Variants in CDH13 observed in about 807,000 individuals in gnomAD.
The protein encoded by CDH13 is cadherin-13.
CDH13 carries 24 observed loss-of-function variants against 63.8 expected under a neutral mutation model. The ratio of observed to expected loss-of-function variants is 0.38; its 90% CI spans 0.27 to 0.53. The LOEUF (loss-of-function observed/expected upper bound fraction) is 0.53. CDH13 is among the 20% of genes least tolerant of loss of function. The pLI is 0.85. For synonymous variants in CDH13, 503 were observed against 355.3 expected, an observed-to-expected ratio of 1.42 and a Z score of -4.67; for missense variants, 1,049 against 903.1, an observed-to-expected ratio of 1.16 and a Z score of -2.07.
chr16:83,142,832 G>A (rs2036592700), intron 4 of CDH13, among the ~76,000 whole-genome samples: 1 of 152,234 alleles, frequency 6.6e-6, no homozygotes, highest in South Asian at 2.1e-4. Flanking sequence ...GCCGGGCGCA[G>A]TGGCTTATAC....
At chr16:83,775,082 T>C (rs927654850) in intron 11 of CDH13, among the ~76,000 whole-genome samples, 1 of 151,794 alleles carries the variant, frequency 6.6e-6, no homozygotes, top group Non-Finnish European at 1.5e-5. Flanking sequence ...ACTCAAGCTA[T>C]GTAATAAAAA....
chr16:83,463,587 G>C (rs2073234308), intron 6 of CDH13, among the ~76,000 whole-genome samples: 2 of 152,132 alleles, frequency 1.3e-5, no homozygotes, highest in Non-Finnish European at 2.9e-5. Flanking sequence ...GTTCACTTGA[G>C]CTTAAGAGTT....
intron 3 of CDH13, among the ~76,000 whole-genome samples, chr16:83,119,426 G>A (rs536431609): frequency 6.6e-6 from 1 of 152,200 alleles, no homozygotes; most frequent in Non-Finnish European, 1.5e-5. Context: ...AACGTCAACA[G>A]GTCTACTCTA....
chr16:83,561,565 T>C (rs1034534549), intron 7 of CDH13, among the ~76,000 whole-genome samples: 1 of 152,184 alleles, frequency 6.6e-6, no homozygotes, highest in Non-Finnish European at 1.5e-5. Context: ...CTAACATTTA[T>C]TGAGTATTTA....
chr16:83,670,026 C>G (rs934242060), intron 8 of CDH13, among the ~76,000 whole-genome samples: 1 of 152,116 alleles, frequency 6.6e-6, no homozygotes, highest in African/African-American at 2.4e-5. Flanking sequence ...TTCACCACAC[C>G]TACTTGAAAC....
intron 3 of CDH13, among the ~76,000 whole-genome samples, chr16:83,091,361 A>T (rs2033899229): frequency 6.6e-6 from 1 of 152,158 alleles, no homozygotes; most frequent in South Asian, 2.1e-4. Context: ...TAGGAGGCAT[A>T]TTTTTCCCAT....
chr16:83,433,187 T>C (rs1346356254), intron 6 of CDH13, among the ~76,000 whole-genome samples: 2 of 152,028 alleles, frequency 1.3e-5, no homozygotes, highest in Admixed American at 6.6e-5. Flanking sequence ...ACTGGTAGAG[T>C]GTTGGGACCA....
chr16:82,828,774 A>G (rs2151109327), intron 1 of CDH13, among the ~76,000 whole-genome samples: 1 of 152,310 alleles, frequency 6.6e-6, no homozygotes, highest in African/African-American at 2.4e-5. Context: ...CATAGCATTT[A>G]CATTCTATTA....
chr16:83,171,458 C>G, intron 4 of CDH13: 1 of 1,337,818 alleles, frequency 7.5e-7, no homozygotes, highest in Non-Finnish European at 1.0e-6. Context: ...ATATCAAAAG[C>G]TTTTCTAATT....
chr16:83,673,620 A>T (rs1914705763), intron 9 of CDH13, among the ~76,000 whole-genome samples: 2 of 152,260 alleles, frequency 1.3e-5, no homozygotes, highest in African/African-American at 4.8e-5. Flanking sequence ...ACTTGCAGGA[A>T]GGAGCCATTC....
intron 3 of CDH13, among the ~76,000 whole-genome samples, chr16:83,055,917 G>A (rs756456884): frequency 4.3e-4 from 65 of 152,098 alleles, no homozygotes; most frequent in African/African-American, 1.4e-3. Flanking sequence ...TGAAAAGGCA[G>A]GCTATACAGT....
At chr16:83,486,701 G>A (rs757460193) in intron 7 of CDH13, 46 bp downstream of exon 7, 1 of 1,575,580 alleles carries the variant, frequency 6.3e-7, no homozygotes, top group Non-Finnish European at 8.7e-7. Flanking sequence ...AATAGAATGT[G>A]GCTTTCATGC....
At chr16:83,424,936 C>G (rs1380704849) in intron 6 of CDH13, among the ~76,000 whole-genome samples, 1 of 152,176 alleles carries the variant, frequency 6.6e-6, no homozygotes, top group African/African-American at 2.4e-5. Flanking sequence ...AGTGGAACAT[C>G]CTGATGAACA....
chr16:83,409,471 G>A (rs1313011828), intron 6 of CDH13, among the ~76,000 whole-genome samples: 1 of 152,220 alleles, frequency 6.6e-6, no homozygotes, highest in East Asian at 1.9e-4. Flanking sequence ...CCTGCTCCAA[G>A]AATGGTTAAG....
At chr16:82,722,269 G>T (rs1057295636) in intron 1 of CDH13, among the ~76,000 whole-genome samples, 6 of 152,008 alleles carry the variant, frequency 3.9e-5, no homozygotes, top group Non-Finnish European at 8.8e-5. Context: ...TGAATACAGG[G>T]GCTTGAATCT....
At chr16:82,961,524 T>C (rs1157325997) in intron 2 of CDH13, among the ~76,000 whole-genome samples, 1 of 149,574 alleles carries the variant, frequency 6.7e-6, no homozygotes, top group Non-Finnish European at 1.5e-5. Context: ...CCCTACTGTC[T>C]TTATCAGCAA....
chr16:83,512,350 AAATAAATAAATAAATAAAT>A, intron 7 of CDH13, among the ~76,000 whole-genome samples: 1 of 145,288 alleles, frequency 6.9e-6, no homozygotes, highest in African/African-American at 2.5e-5. Context: ...ATAAATAAAT[AAATAAATAAATAAATAAAT>A]AAAATAAAAA....
intron 4 of CDH13, among the ~76,000 whole-genome samples, chr16:83,216,734 G>A (rs567383403): frequency 6.8e-6 from 1 of 147,096 alleles, no homozygotes; most frequent in Non-Finnish European, 1.5e-5. Flanking sequence ...TTAATATATA[G>A]GGGTTTGATA....
In CDH13 at chr16:83,379,009, AC is replaced by A. The variant is rs2091507878; in HGVS notation, c.781+34004del. Among the ~76,000 whole-genome samples the A allele has an allele frequency of 1.5e-4, 16 of 109,746 alleles. 1 individual carries two copies. The South Asian group carries it at 4.9e-3, about 33-fold the overall frequency. The allele number at this position is 109,746 out of a possible 152,430, so 72.0% of individuals were successfully genotyped here. A position where few individuals can be genotyped will look rare whatever the true frequency, so the allele number is the denominator to read the frequency against. On this transcript the variant is annotated intron_variant, in intron 6 of 13. Coordinates refer to ENST00000567109, the MANE Select transcript of CDH13 (RefSeq NM_001257.5). ...CATGCATCTATATATATATATATAC[AC>A]ACACACACACACACACGTGTGTGTA...
Sources: allele counts gnomAD v4.1 joint callset (sites outside exome capture counted in the v4.1 genomes callset), GRCh38; gene constraint gnomAD v4.1.1; transcripts MANE v1.5; gene names NCBI Gene and HGNC (gene_info 2026-07-23, HGNC 2026-07-21).